The following ADAMTS19 variants were observed in gnomAD, a reference collection of about 807,000 sequenced individuals.
The protein encoded by ADAMTS19 is ADAM metallopeptidase with thrombospondin type 1 motif 19.
In ADAMTS19, 93 loss-of-function variants were observed where a neutral mutation model predicts 153.3. The observed-to-expected ratio is 0.61, with a 90% CI of 0.51 to 0.72. The LOEUF is 0.72. Among genes scored for constraint, ADAMTS19 ranks in the 30% least tolerant of loss-of-function variants. The pLI is 0.00. For synonymous variants in ADAMTS19, 600 were observed against 556.6 expected, an observed-to-expected ratio of 1.08 and a Z score of -1.10; for missense variants, 1,482 against 1,552.1, an observed-to-expected ratio of 0.95 and a Z score of 0.76.
intron 16 of ADAMTS19, among the ~76,000 whole-genome samples, chr5:129,674,158 G>T (rs1408471517): frequency 6.6e-6 from 1 of 151,922 alleles, no homozygotes; most frequent in African/African-American, 2.4e-5. Flanking sequence ...TTGAACCCGG[G>T]AGGCGGAGGT....
chr5:129,463,179 G>A (rs1749745953), intron 2 of ADAMTS19, among the ~76,000 whole-genome samples: 1 of 152,142 alleles, frequency 6.6e-6, no homozygotes, highest in Non-Finnish European at 1.5e-5. Context: ...TTTGGCTGGG[G>A]ATTAAATAAT....
intron 2 of ADAMTS19, among the ~76,000 whole-genome samples, chr5:129,468,774 CTTA>C (rs566278908): frequency 1.1e-4 from 17 of 151,664 alleles, no homozygotes; most frequent in East Asian, 1.9e-4. Context: ...ATATCTTTTA[CTTA>C]TTATTATTAT....
At chr5:129,526,547 A>T in intron 4 of ADAMTS19, 91 bp downstream of exon 4, 1 of 1,244,258 alleles carries the variant, frequency 8.0e-7, no homozygotes, top group Non-Finnish European at 1.1e-6. Flanking sequence ...CTTTAAAATT[A>T]ACTCATTACT....
chr5:129,512,005 A>C (rs1231648759), intron 3 of ADAMTS19, among the ~76,000 whole-genome samples: 1 of 152,078 alleles, frequency 6.6e-6, no homozygotes, highest in Non-Finnish European at 1.5e-5. Context: ...TCAAGGGAAC[A>C]GAAACCAAGT....
At chr5:129,528,174 T>A (rs1752081454) in intron 5 of ADAMTS19, among the ~76,000 whole-genome samples, 1 of 152,058 alleles carries the variant, frequency 6.6e-6, no homozygotes, top group Non-Finnish European at 1.5e-5. Context: ...ATCATTTTGA[T>A]ATGCTGCTTA....
In ADAMTS19 at chr5:129,738,676, G is replaced by C. The variant is rs10069990; in HGVS notation, c.*1458G>C. 0.94 allele frequency: 143,460 copies of C among 152,096 alleles called. 67,767 individuals are homozygous for C. Among genetic ancestry groups the C allele is most frequent in the East Asian group, 1 (5,136 of 5,142 alleles). The allele number at this position is 152,096 out of a possible 1,614,324, so 9.4% of individuals were successfully genotyped here. A position where few individuals can be genotyped will look rare whatever the true frequency, so the allele number is the denominator to read the frequency against. Reference sequence around the variant, plus strand: ...CGCTGTGAGTAATAAAGTCCTTTGTGTCTAATGCAGGAGTCTCATGTCTTC... The same window carrying C: ...CGCTGTGAGTAATAAAGTCCTTTGTCTCTAATGCAGGAGTCTCATGTCTTC... On this transcript the variant is annotated 3_prime_UTR_variant, in exon 23 of 23. Coordinates refer to ENST00000274487, the MANE Select transcript of ADAMTS19 (RefSeq NM_133638.6).
intron 8 of ADAMTS19, among the ~76,000 whole-genome samples, chr5:129,608,126 A>G (rs1368255001): frequency 2.4e-5 from 3 of 127,168 alleles, no homozygotes; most frequent in Non-Finnish European, 3.3e-5. Flanking sequence ...GTATATATAT[A>G]TATATATATA....
intron 8 of ADAMTS19, among the ~76,000 whole-genome samples, chr5:129,612,517 C>T (rs1010149312): frequency 1.3e-5 from 2 of 151,994 alleles, no homozygotes; most frequent in Non-Finnish European, 2.9e-5. Flanking sequence ...CCAGGCCTTC[C>T]TACAAGAGCT....
chr5:129,720,514 T>A (rs912903556), intron 21 of ADAMTS19, among the ~76,000 whole-genome samples: 2 of 152,196 alleles, frequency 1.3e-5, no homozygotes, highest in African/African-American at 4.8e-5. Context: ...TATTAATAAA[T>A]CCTTATTTTT....
chr5:129,498,369 C>A (rs1750992445), intron 2 of ADAMTS19, among the ~76,000 whole-genome samples: 1 of 151,996 alleles, frequency 6.6e-6, no homozygotes, highest in South Asian at 2.1e-4. Context: ...GGAGCAATAC[C>A]ATTTCTTGTG....
intron 6 of ADAMTS19, among the ~76,000 whole-genome samples, chr5:129,539,363 C>CA (rs1274796171): frequency 1.3e-5 from 2 of 151,988 alleles, no homozygotes; most frequent in Admixed American, 1.3e-4. Context: ...GGTCAAAAGC[C>CA]AAAGAATGCC....
In ADAMTS19 at chr5:129,701,554, G is replaced by C. The variant is rs1413966892; in HGVS notation, c.3121G>C (p.Asp1041His). The C allele has an allele frequency of 1.2e-6, 2 of 1,614,078 alleles. No individual in the cohort carries two copies. Among genetic ancestry groups the C allele is most frequent in the Non-Finnish European group, 1.7e-6 (2 of 1,180,044 alleles). Residue 1041 changes from aspartate (D) to histidine (H), a missense_variant, in exon 20 of 23, where the codon GAC (aspartate) becomes CAC (histidine). Around this residue, in one of 2 missense-constraint regions of ADAMTS19, gnomAD observed 616 missense variants for 724.4 expected, o/e 0.85. Transcript: ENST00000274487. ...CTCTGCCCAGCGCTGTGAGGGCCAG[G>C]ACTGCATGACCGTGTGGGAGGCGGG... is the stretch of plus-strand genomic sequence containing the variant. ...PASAQRCEGQDCMTVWEAGVW... is the reference protein window; with the variant it reads ...PASAQRCEGQHCMTVWEAGVW...
intron 21 of ADAMTS19, among the ~76,000 whole-genome samples, chr5:129,722,771 G>C (rs1488242285): frequency 1.3e-5 from 2 of 152,088 alleles, no homozygotes; most frequent in Non-Finnish European, 2.9e-5. Context: ...ACAATTTCAG[G>C]AGTGAAATTT....
At chr5:129,477,460 G>A (rs1050015914) in intron 2 of ADAMTS19, among the ~76,000 whole-genome samples, 1 of 152,130 alleles carries the variant, frequency 6.6e-6, no homozygotes, top group African/African-American at 2.4e-5. Flanking sequence ...GGAGGTTAGT[G>A]GGCGGAAAGA....
chr5:129,460,441 T>C lies in ADAMTS19; in HGVS notation c.50T>C (p.Leu17Pro). 1 of 1,614,130 alleles carries C rather than the reference T, an allele frequency of 6.2e-7. No individual in the cohort carries two copies. Among genetic ancestry groups the C allele is most frequent in the Non-Finnish European group, 8.5e-7 (1 of 1,180,002 alleles). Reference sequence around the variant, plus strand: ...CTGACTCACATCTGCTGCTGCTGCCTCCTTTACCAGCTGGGGTTCCTGTCG... The same window carrying C: ...CTGACTCACATCTGCTGCTGCTGCCCCCTTTACCAGCTGGGGTTCCTGTCG... ...MRLTHICCCC[L>P]LYQLGFLSNG... The change falls in exon 1 of 23, where the codon CTC (leucine) becomes CCC (proline). Residue 17 changes from leucine (L) to proline (P), a missense_variant. This residue lies in a region of ADAMTS19 where 866 missense variants were observed against 827.7 expected (regional missense o/e 1.05). Coordinates refer to ENST00000274487, the MANE Select transcript of ADAMTS19 (RefSeq NM_133638.6).
At chr5:129,690,581 C>T (rs769714643) in intron 18 of ADAMTS19, among the ~76,000 whole-genome samples, 87 of 152,052 alleles carry the variant, frequency 5.7e-4, no homozygotes, top group Non-Finnish European at 1.1e-3. Flanking sequence ...AGACAATATC[C>T]TTAGGGAATA....
In ADAMTS19 at chr5:129,654,410, A is replaced by G. The variant is rs1753451370; in HGVS notation, c.2281A>G (p.Ile761Val). 6.2e-7 allele frequency: 1 copy of G among 1,611,940 alleles called. No individual in the cohort carries two copies. Among genetic ancestry groups the G allele is most frequent in the South Asian group, 1.1e-5 (1 of 90,546 alleles). ...TTCTTGTGGCTATCAGGGATTAGAT[A>G]TCTGTGCAAATGGCAGGTGCCAGGT... is the stretch of plus-strand genomic sequence containing the variant. ...GTSCGYQGLD[I>V]CANGRCQKVG... Residue 761 changes from isoleucine (I) to valine (V), a missense_variant, in exon 14 of 23, where the codon ATC becomes GTC. Ile to Val is a conservative substitution (Grantham distance 29). Transcript: ENST00000274487.
chr5:129,669,197 C>CA (rs1202707898), intron 16 of ADAMTS19, among the ~76,000 whole-genome samples: 8 of 151,232 alleles, frequency 5.3e-5, no homozygotes, highest in Non-Finnish European at 1.2e-4. Flanking sequence ...TATCCACATG[C>CA]AAAAAAAATG....
intron 6 of ADAMTS19, among the ~76,000 whole-genome samples, chr5:129,547,874 A>G (rs1752920374): frequency 1.3e-5 from 2 of 151,012 alleles, no homozygotes; most frequent in South Asian, 2.1e-4. Context: ...AATGCCACAT[A>G]TCTACAACTA....
Sources: gnomAD v4.1 joint callset for allele counts (sites outside exome capture counted in the v4.1 genomes callset) on GRCh38, gnomAD v4.1.1 for gene constraint, gnomAD v4.1.1 regional missense constraint, MANE v1.5 for transcripts, NCBI Gene and HGNC (gene_info 2026-07-23, HGNC 2026-07-21) for gene names.